Variants in CIT observed in about 807,000 individuals in gnomAD.
The protein encoded by CIT is citron Rho-interacting kinase.
CIT carries 79 observed loss-of-function variants against 272.7 expected under a neutral mutation model. The observed-to-expected ratio is 0.29, with a 90% confidence interval of 0.24 to 0.35. The LOEUF is 0.35. CIT is among the 10% of genes least tolerant of loss of function. CIT has a pLI of 1.00. For synonymous variants in CIT, 948 were observed against 995.6 expected, an observed-to-expected ratio of 0.95 and a Z score of 0.90; for missense variants, 1,909 against 2,618.3, an observed-to-expected ratio of 0.73 and a Z score of 5.91.
At chr12:119,739,791 T>A (rs1464325738) in intron 24 of CIT, among the ~76,000 whole-genome samples, 1 of 152,280 alleles carries the variant, frequency 6.6e-6, no homozygotes, top group African/African-American at 2.4e-5. Context: ...CCAAATCCCA[T>A]GACTCAGTGT....
At chr12:119,807,839 G>T (rs1353800378) in intron 9 of CIT, among the ~76,000 whole-genome samples, 1 of 150,868 alleles carries the variant, frequency 6.6e-6, no homozygotes, top group African/African-American at 2.4e-5. Context: ...ATTCACTAAT[G>T]ACAAATAAGA....
intron 8 of CIT, 131 bp from the exon 9 acceptor site, chr12:119,823,104 C>A: frequency 2.2e-6 from 2 of 899,012 alleles, no homozygotes; most frequent in Non-Finnish European, 3.3e-6. Context: ...AGTTTCGTGC[C>A]CTCTTCCCTT....
At chr12:119,801,899 G>C (rs573292022) in intron 10 of CIT, among the ~76,000 whole-genome samples, 2 of 152,298 alleles carry the variant, frequency 1.3e-5, no homozygotes, top group South Asian at 4.1e-4. Flanking sequence ...AGCCCCCAGA[G>C]AGGGGATCAA....
chr12:119,863,859 A>G (rs908456823), intron 3 of CIT, among the ~76,000 whole-genome samples: 3 of 151,982 alleles, frequency 2.0e-5, no homozygotes, highest in African/African-American at 7.2e-5. Context: ...AAAAAAAAAA[A>G]AAGAAGCTGA....
At chr12:119,735,072 T>A in intron 25 of CIT, 88 bp downstream of exon 25, 1 of 1,278,488 alleles carries the variant, frequency 7.8e-7, no homozygotes, top group Non-Finnish European at 1.1e-6. Context: ...AGGTTCAGTG[T>A]TGGAACCCTT....
At chr12:119,872,151 C>T (rs1950697496) in intron 2 of CIT, among the ~76,000 whole-genome samples, 1 of 152,090 alleles carries the variant, frequency 6.6e-6, no homozygotes, top group Non-Finnish European at 1.5e-5. Flanking sequence ...GATGTTCTTC[C>T]TGTCTTGTTG....
Position 119,784,086 on chromosome 12 carries a change from G to A in CIT, c.1402-35C>T, listed in dbSNP as rs769896432. The A allele has an allele frequency of 1.9e-5, 30 of 1,613,508 alleles. No individual in the cohort carries two copies. The highest frequency in any genetic ancestry group is 8.3e-5 in the Admixed American group (5 of 59,968). ...ACACATCGACAGGTTAAAAAGGCCC[G>A]TGGAGGTTCATTAGGAGCAATCACA... is the stretch of plus-strand genomic sequence containing the variant. On this transcript the variant is annotated intron_variant, in intron 11 of 47. Coordinates refer to ENST00000392521, the MANE Select transcript of CIT (RefSeq NM_001206999.2). The surrounding 1 kb of genome is among the most constrained non-coding windows in gnomAD (Gnocchi z 4.7).
At chr12:119,705,522 G>A (rs764160324) in intron 40 of CIT, among the ~76,000 whole-genome samples, 7 of 152,052 alleles carry the variant, frequency 4.6e-5, no homozygotes, top group Admixed American at 1.3e-4. Flanking sequence ...GGATGCTTAC[G>A]ACATTATTAG....
At position 119,823,237 on chromosome 12, in the gene CIT, A is replaced by G. The variant is rs450902; in HGVS notation, c.958-264T>C. 0.74 allele frequency among the ~76,000 whole-genome samples: 112,097 copies of G among 151,908 alleles called. 41,968 individuals are homozygous for G. Among genetic ancestry groups the G allele is most frequent in the East Asian group, 0.97 (5,007 of 5,162 alleles). ...TCCCCTTCTCATCTCATCTTGCCAC[A>G]TTCCCCATCTCTCCCTTTGCTGTCC... On this transcript the variant is annotated intron_variant, in intron 8 of 47. Coordinates refer to ENST00000392521, the MANE Select transcript of CIT (RefSeq NM_001206999.2).
chr12:119,764,734 G>A (rs1962210687), intron 19 of CIT, among the ~76,000 whole-genome samples: 1 of 152,018 alleles, frequency 6.6e-6, no homozygotes, highest in South Asian at 2.1e-4. Context: ...GTAGCACAAA[G>A]AAACAAAGAA....
At chr12:119,810,159 C>T (rs867354816) in intron 9 of CIT, among the ~76,000 whole-genome samples, 60 of 152,302 alleles carry the variant, frequency 3.9e-4, no homozygotes, top group African/African-American at 1.3e-3. Context: ...CCTGGACTTG[C>T]AACTGGTGCC....
At chr12:119,755,308 C>T (rs1258765516) in intron 22 of CIT, among the ~76,000 whole-genome samples, 1 of 152,102 alleles carries the variant, frequency 6.6e-6, no homozygotes, top group East Asian at 1.9e-4. Flanking sequence ...GAGTTCACAC[C>T]TTGACAACCC....
chr12:119,867,534 C>T (rs549627189), intron 3 of CIT, among the ~76,000 whole-genome samples: 7 of 152,218 alleles, frequency 4.6e-5, no homozygotes, highest in African/African-American at 1.7e-4. Flanking sequence ...TGGTTGGTTG[C>T]ACAGCAATGT....
At position 119,870,183 on chromosome 12, in the gene CIT, T is replaced by C. The variant is rs996761235; in HGVS notation, c.97-982A>G. On this transcript the variant is annotated intron_variant, in intron 2 of 47. Transcript: ENST00000392521. Reference sequence around the variant, plus strand: ...TTCTCCTGCCTTTGAATCTGTGCCATCTCTGAGACTCTCTTCAACCAAAAG... The same window carrying C: ...TTCTCCTGCCTTTGAATCTGTGCCACCTCTGAGACTCTCTTCAACCAAAAG... Among the ~76,000 whole-genome samples, 3 of 152,288 alleles carry C rather than the reference T, an allele frequency of 2.0e-5. No individual in the cohort carries two copies. The South Asian group carries it at 6.2e-4, about 32-fold the overall frequency.
chr12:119,777,130 C>T (rs1963829605), intron 13 of CIT, among the ~76,000 whole-genome samples: 1 of 152,118 alleles, frequency 6.6e-6, no homozygotes, highest in South Asian at 2.1e-4. Context: ...TGGTGCGGGC[C>T]TATAGTCCCA....
intron 9 of CIT, 171 bp from the exon 10 acceptor site, chr12:119,803,560 C>T (rs1401008438): frequency 6.3e-6 from 3 of 472,502 alleles, no homozygotes; most frequent in South Asian, 3.8e-5. Flanking sequence ...AGATTAACCC[C>T]TTCTCTGCCA....
chr12:119,743,410 G>C (rs1959156914), intron 23 of CIT, among the ~76,000 whole-genome samples: 1 of 152,150 alleles, frequency 6.6e-6, no homozygotes, highest in African/African-American at 2.4e-5. Context: ...GGCAGGAAAG[G>C]GTCTGGTGCA....
intron 4 of CIT, among the ~76,000 whole-genome samples, chr12:119,857,088 A>G (rs1306286553): frequency 6.6e-6 from 1 of 152,250 alleles, no homozygotes; most frequent in Non-Finnish European, 1.5e-5. Context: ...CCCTAGCCAC[A>G]TAACAAAGAA....
rs781391728 is a variant in CIT, at chr12:119,776,641, A to G, written c.1836+31T>C. 4 of 1,585,636 alleles carry G rather than the reference A, an allele frequency of 2.5e-6. No homozygotes were observed. In the South Asian group the frequency reaches 3.4e-5, roughly 13 times the overall value. On this transcript the variant is annotated intron_variant, in intron 14 of 47. Transcript: ENST00000392521. ...CTAAGATCATGTACAATTTTACCCA[A>G]AAAGCACCCTCCTGGAGGGTGGCTG...
Sources: gnomAD v4.1 joint callset for allele counts (sites outside exome capture counted in the v4.1 genomes callset) on GRCh38, gnomAD v4.1.1 for gene constraint, Gnocchi (gnomAD v3.1) non-coding constraint, MANE v1.5 for transcripts, NCBI Gene and HGNC (gene_info 2026-07-23, HGNC 2026-07-21) for gene names.